FBXO25: variants seen among roughly 807,000 people sequenced by gnomAD.
FBXO25 encodes F-box only protein 25.
Under a neutral mutation model 51.9 loss-of-function variants are expected in FBXO25, and 45 were observed. That is an observed-to-expected ratio of 0.87 (90% confidence interval 0.68 to 1.11). The LOEUF is 1.11. Ranked by LOEUF, FBXO25 falls within the 50% of genes most tolerant of loss-of-function variation. The pLI is 0.00. For synonymous variants in FBXO25, 199 were observed against 151.0 expected (o/e 1.32, Z -2.33); for missense variants, 507 against 428.5 (o/e 1.18, Z -1.62).
intron 5 of FBXO25, among the ~76,000 whole-genome samples, chr8:449,691 C>T (rs1798958510): frequency 6.6e-6 from 1 of 152,176 alleles, no homozygotes. Flanking sequence ...CTAAAAGCTC[C>T]ATTTCAGACT....
chr8:474,391 C>T lies in FBXO25; in HGVS notation c.*5587C>T, dbSNP rs1800581399. ...CTTTTAGCTATTGTGAATATTGCTG[C>T]CGTAAACATGGGTGTGCAAATATCT... On this transcript the variant is annotated 3_prime_UTR_variant, in exon 10 of 10. Coordinates refer to ENST00000350302, the MANE Select transcript of FBXO25 (RefSeq NM_183420.2). The T allele has an allele frequency of 7.5e-6, 2 of 267,712 alleles. No individual in the cohort carries two copies. Among genetic ancestry groups the T allele is most frequent in the Non-Finnish European group, 1.4e-5 (2 of 139,076 alleles). The allele number at this position is 267,712 out of a possible 1,614,324, so 16.6% of individuals were successfully genotyped here. A position where few individuals can be genotyped will look rare whatever the true frequency, so the allele number is the denominator to read the frequency against.
In FBXO25 at chr8:469,363, A is replaced by G. The variant is rs73173390; in HGVS notation, c.*559A>G. On this transcript the variant is annotated 3_prime_UTR_variant, in exon 10 of 10. Transcript: ENST00000350302. ...TGTCTTAGGGATTATGGATCGGGGT[A>G]TGAAGTGTGCACACGCAGCCCAACA... 0.017 allele frequency: 2,654 copies of G among 153,018 alleles called. 39 individuals are homozygous for G. Among genetic ancestry groups the G allele is most frequent in the Non-Finnish European group, 0.027 (1,846 of 68,564 alleles). 9.5% of individuals were successfully genotyped at this position (153,018 alleles called of 1,614,324 possible). A position where few individuals can be genotyped will look rare whatever the true frequency, so the allele number is the denominator to read the frequency against.
At chr8:441,018 T>C (rs969468083) in intron 5 of FBXO25, among the ~76,000 whole-genome samples, 1 of 148,254 alleles carries the variant, frequency 6.7e-6, no homozygotes, top group Non-Finnish European at 1.5e-5. Flanking sequence ...TCCAAGTCTT[T>C]GCTATTGTGA....
At chr8:439,312 T>G (rs118051182) in intron 5 of FBXO25, among the ~76,000 whole-genome samples, 8,917 of 152,266 alleles carry the variant, frequency 0.059, 283 homozygotes, top group Middle Eastern at 0.082. Context: ...GGGAGGTCCA[T>G]GCAGGGCAGT....
rs111775812 is a variant in FBXO25, at chr8:458,443, C to A, written c.735C>A (p.Asp245Glu). ...MLNNILYRFSDGWDIITLGQV... is the reference protein window; with the variant it reads ...MLNNILYRFSEGWDIITLGQV... ...ACAACATCCTATACCGGTTCTCAGA[C>A]GGATGGGACATCATCACCTTAGGCC... is the stretch of plus-strand genomic sequence containing the variant. The change falls in exon 8 of 10, where the codon GAC becomes GAA. Residue 245 changes from aspartate to glutamate, a missense_variant. Physicochemically the swap from Asp to Glu is conservative, Grantham distance 45. Coordinates refer to ENST00000350302, the MANE Select transcript of FBXO25 (RefSeq NM_183420.2). 2 of 1,614,080 alleles carry A rather than the reference C, an allele frequency of 1.2e-6. No homozygotes were observed. The highest frequency in any genetic ancestry group is 2.2e-5 in the East Asian group (1 of 44,888).
chr8:438,721 A>G (rs992880483), intron 5 of FBXO25, among the ~76,000 whole-genome samples: 19 of 152,144 alleles, frequency 1.2e-4, no homozygotes, highest in Admixed American at 1.1e-3. Flanking sequence ...TGGCTTTTCT[A>G]ACTTTCAAGA....
intron 2 of FBXO25, among the ~76,000 whole-genome samples, chr8:416,831 C>G (rs149635970): frequency 6.6e-6 from 1 of 152,138 alleles, no homozygotes; most frequent in African/African-American, 2.4e-5. Context: ...TCTGATGGAG[C>G]TTGCATTCTG....
chr8:433,258 G>C (rs573182136), intron 4 of FBXO25, among the ~76,000 whole-genome samples: 1 of 151,912 alleles, frequency 6.6e-6, no homozygotes, highest in Non-Finnish European at 1.5e-5. Context: ...TGGTGTGTGG[G>C]ATGTATGGTG....
intron 8 of FBXO25, among the ~76,000 whole-genome samples, chr8:461,238 C>G (rs891406008): frequency 6.6e-6 from 1 of 152,216 alleles, no homozygotes; most frequent in Non-Finnish European, 1.5e-5. Flanking sequence ...GCAGCCATCA[C>G]TACAGTCGAT....
At chr8:460,059 T>G (rs13253643) in intron 8 of FBXO25, among the ~76,000 whole-genome samples, 33,824 of 151,902 alleles carry the variant, frequency 0.22, 4,133 homozygotes, top group African/African-American at 0.32. Context: ...GAATTTTGTG[T>G]GGAGGATTTA....
intron 5 of FBXO25, among the ~76,000 whole-genome samples, chr8:447,691 T>G (rs928940357): frequency 2.6e-5 from 4 of 152,212 alleles, no homozygotes; most frequent in Non-Finnish European, 4.4e-5. Flanking sequence ...AACATGAAAT[T>G]CATGTATGTT....
In FBXO25 at chr8:461,070, C is replaced by T. The variant is rs117173922; in HGVS notation, c.844-1937C>T. ...AGGCAGCCCTGTTACTCCTTTAGCC[C>T]GTGCATTTTGTTTTTTGTTTCAGGC... On this transcript the variant is annotated intron_variant, in intron 8 of 9. Transcript: ENST00000350302. 5.4e-3 allele frequency among the ~76,000 whole-genome samples: 828 copies of T among 152,252 alleles called. 8 individuals are homozygous for T. Among genetic ancestry groups the T allele is most frequent in the South Asian group, 0.032 (153 of 4,828 alleles).
At chr8:463,687 A>T (rs1222022371) in intron 9 of FBXO25, among the ~76,000 whole-genome samples, 1 of 152,276 alleles carries the variant, frequency 6.6e-6, no homozygotes, top group Non-Finnish European at 1.5e-5. Context: ...TCAGAACTTA[A>T]CAAGACTATC....
chr8:423,293 A>G (rs959083258), intron 2 of FBXO25, among the ~76,000 whole-genome samples: 12 of 152,268 alleles, frequency 7.9e-5, no homozygotes, highest in African/African-American at 2.9e-4. Flanking sequence ...ATTTGTGCTT[A>G]CTGGTTCTTC....
At position 476,198 on chromosome 8, in the gene FBXO25, C is replaced by A. The variant is rs1175806753; in HGVS notation, c.*7394C>A. ...ACTTGAGCATGTTGAAACATCTTTG[C>A]ATACCAGCTGTAAATCTTACTTGGC... On this transcript the variant is annotated 3_prime_UTR_variant, in exon 10 of 10. Coordinates refer to ENST00000350302, the MANE Select transcript of FBXO25 (RefSeq NM_183420.2). The A allele has an allele frequency of 6.6e-6, 1 of 152,116 alleles. No individual in the cohort carries two copies. Among genetic ancestry groups the A allele is most frequent in the Admixed American group, 6.6e-5 (1 of 15,264 alleles). The allele number at this position is 152,116 out of a possible 1,614,324, so 9.4% of individuals were successfully genotyped here. A position where few individuals can be genotyped will look rare whatever the true frequency, so the allele number is the denominator to read the frequency against.
At chr8:450,439 A>C (rs1365019625) in intron 6 of FBXO25, among the ~76,000 whole-genome samples, 1 of 152,216 alleles carries the variant, frequency 6.6e-6, no homozygotes, top group African/African-American at 2.4e-5. Flanking sequence ...CAGATAAGCC[A>C]ATAATTTTCT....
chr8:467,586 T>G, intron 9 of FBXO25: 3 of 897,286 alleles, frequency 3.3e-6, no homozygotes, highest in Non-Finnish European at 5.3e-6. Flanking sequence ...CCTGATGTTT[T>G]TAGTTATTTT....
chr8:459,352 G>A (rs926512223), intron 8 of FBXO25, among the ~76,000 whole-genome samples: 1 of 152,234 alleles, frequency 6.6e-6, no homozygotes, highest in African/African-American at 2.4e-5. Context: ...AGTCGACAGG[G>A]CCTAGGCAGA....
intron 4 of FBXO25, among the ~76,000 whole-genome samples, chr8:434,361 G>T (rs974914647): frequency 1.3e-5 from 2 of 152,190 alleles, no homozygotes; most frequent in African/African-American, 4.8e-5. Flanking sequence ...CTGCACCATC[G>T]TGTGGAATAT....
Sources: gnomAD v4.1 joint callset for allele counts (sites outside exome capture counted in the v4.1 genomes callset) on GRCh38, gnomAD v4.1.1 for gene constraint, MANE v1.5 for transcripts, NCBI Gene and HGNC (gene_info 2026-07-23, HGNC 2026-07-21) for gene names.